The following MAMLD1 variants were observed in gnomAD, a reference collection of about 807,000 sequenced individuals.
The protein encoded by MAMLD1 is mastermind like domain containing 1.
MAMLD1 carries 14 observed loss-of-function variants against 45.0 expected under a neutral mutation model. The ratio of observed to expected loss-of-function variants is 0.31; its 90% confidence interval spans 0.21 to 0.49. The LOEUF is 0.49. Among genes scored for constraint, MAMLD1 ranks in the 20% least tolerant of loss-of-function variants. The pLI is 0.99. For missense variants in MAMLD1, 543 were observed against 603.6 expected, an observed-to-expected ratio of 0.90 and a Z score of 1.05; for synonymous variants, 254 against 247.8, an observed-to-expected ratio of 1.02 and a Z score of -0.24.
At chrX:150,433,998 A>G (rs2035038289) in intron 1 of MAMLD1, among the ~76,000 whole-genome samples, 1 of 111,293 alleles carries the variant, frequency 9.0e-6, no homozygotes, top group Non-Finnish European at 1.9e-5. Flanking sequence ...GGAATTACAC[A>G]TCTGGTGGAA....
chrX:150,443,429 T>C (rs1429954450), intron 1 of MAMLD1, among the ~76,000 whole-genome samples: 1 of 106,650 alleles, frequency 9.4e-6, no homozygotes, highest in African/African-American at 3.4e-5. Context: ...TTATTATACT[T>C]TAAGTTTTAG....
chrX:150,444,586 A>G (rs1162177405), intron 1 of MAMLD1, among the ~76,000 whole-genome samples: 3 of 111,643 alleles, frequency 2.7e-5, no homozygotes, highest in African/African-American at 9.8e-5. Flanking sequence ...AGTGATACTC[A>G]GTGAGAGAAT....
chrX:150,380,401 A>C (rs1049090835), intron 1 of MAMLD1, among the ~76,000 whole-genome samples: 3 of 110,297 alleles, frequency 2.7e-5, no homozygotes, highest in African/African-American at 6.6e-5. Flanking sequence ...CAATTTTAAG[A>C]GTATTTTTCT....
intron 1 of MAMLD1, among the ~76,000 whole-genome samples, chrX:150,404,035 GAGGA>G (rs1402942313): frequency 9.3e-5 from 6 of 64,674 alleles, no homozygotes; most frequent in African/African-American, 3.7e-4. Flanking sequence ...GGGAGGAAGG[GAGGA>G]AGGAAGGAAG....
At chrX:150,381,633 G>A (rs1282287641) in intron 1 of MAMLD1, among the ~76,000 whole-genome samples, 1 of 112,230 alleles carries the variant, frequency 8.9e-6, no homozygotes, top group Non-Finnish European at 1.9e-5. Context: ...CAATCATATA[G>A]CATGTGATCT....
intron 1 of MAMLD1, among the ~76,000 whole-genome samples, chrX:150,400,121 C>T (rs1557402375): frequency 8.9e-6 from 1 of 111,971 alleles, no homozygotes; most frequent in African/African-American, 3.2e-5. Context: ...CTCTTGGTCA[C>T]AGACTGGAAG....
At chrX:150,406,049 T>C (rs2033986546) in intron 1 of MAMLD1, among the ~76,000 whole-genome samples, 1 of 111,492 alleles carries the variant, frequency 9.0e-6, no homozygotes, top group Non-Finnish European at 1.9e-5. Context: ...CTTGAACGTT[T>C]ATTCAGCCTA....
chrX:150,365,035 C>T (rs1044074499), intron 1 of MAMLD1, among the ~76,000 whole-genome samples: 1 of 112,231 alleles, frequency 8.9e-6, no homozygotes, highest in Non-Finnish European at 1.9e-5. Flanking sequence ...CAGCTCTGGG[C>T]CCCTGGAGGC....
intron 1 of MAMLD1, among the ~76,000 whole-genome samples, chrX:150,391,359 T>C (rs906944780): frequency 9.0e-5 from 10 of 111,202 alleles, no homozygotes; most frequent in East Asian, 5.6e-4. Flanking sequence ...TCTTCTTCTT[T>C]TTTTTGTTTT....
chrX:150,430,332 G>T (rs1301031452), intron 1 of MAMLD1, among the ~76,000 whole-genome samples: 2 of 110,704 alleles, frequency 1.8e-5, no homozygotes, highest in East Asian at 5.6e-4. Flanking sequence ...GTTAAGTTTT[G>T]ATATTCTTTA....
chrX:150,473,775 G>T lies in MAMLD1; in HGVS notation c.2013G>T (p.Gln671His), dbSNP rs1378684467. ...GNSFTSRQDP[Q>H]PGDVSPSNIT... ...CTTTCACTAGCAGGCAAGATCCTCA[G>T]CCTGGAGACGTGTCACCGTCTAACA... is the stretch of plus-strand genomic sequence containing the variant. The change falls in exon 5 of 8, where the codon CAG (glutamine) becomes CAT (histidine). Residue 671 changes from glutamine (Q) to histidine (H), a missense_variant. Gln to His is a conservative substitution (Grantham distance 24). Transcript: ENST00000370401. The T allele has an allele frequency of 1.7e-6, 2 of 1,208,968 alleles. No homozygotes were observed. Among genetic ancestry groups the T allele is most frequent in the Admixed American group, 2.2e-5 (1 of 45,892 alleles).
intron 1 of MAMLD1, among the ~76,000 whole-genome samples, chrX:150,414,407 G>A (rs2034201248): frequency 9.0e-6 from 1 of 111,599 alleles, no homozygotes; most frequent in Admixed American, 9.5e-5. Context: ...CCAGTTATGT[G>A]ATTGCGTAAC....
intron 6 of MAMLD1, 59 bp downstream of exon 6, chrX:150,503,576 G>A: frequency 1.4e-6 from 1 of 708,289 alleles, no homozygotes. Flanking sequence ...ACAGTCCCCT[G>A]CTCAGCCTGC....
intron 1 of MAMLD1, among the ~76,000 whole-genome samples, chrX:150,430,717 G>A (rs1179331570): frequency 8.9e-6 from 1 of 112,027 alleles, no homozygotes; most frequent in African/African-American, 3.2e-5. Context: ...TGTTGAAAAG[G>A]CTATTATTCC....
At chrX:150,447,158 G>A (rs997729688) in intron 2 of MAMLD1, among the ~76,000 whole-genome samples, 2 of 112,605 alleles carry the variant, frequency 1.8e-5, no homozygotes, top group Admixed American at 1.9e-4. Flanking sequence ...GTCATTTCCA[G>A]GCTTGGCTTC....
At chrX:150,458,187 G>A (rs1169742195) in intron 2 of MAMLD1, among the ~76,000 whole-genome samples, 3 of 111,632 alleles carry the variant, frequency 2.7e-5, no homozygotes, top group Admixed American at 9.5e-5. Context: ...AGCTACATAG[G>A]CATGTTCTGG....
At position 150,503,560 on chromosome X, in the gene MAMLD1, C is replaced by T. The variant is rs782630521; in HGVS notation, c.2284+43C>T. 5.2e-5 allele frequency: 42 copies of T among 809,327 alleles called. No homozygotes were observed. The South Asian group carries it at 5.5e-4, about 11-fold the overall frequency. The allele number at this position is 809,327 out of a possible 1,213,427, so 66.7% of individuals were successfully genotyped here. On this transcript the variant is annotated intron_variant, in intron 6 of 7. Transcript: ENST00000370401. ...GAGCCTCGCTTTCCTCATCTGTCAA[C>T]GGGGCACAGTCCCCTGCTCAGCCTG...
intron 5 of MAMLD1, among the ~76,000 whole-genome samples, chrX:150,480,282 A>G (rs2036713321): frequency 8.9e-6 from 1 of 112,379 alleles, no homozygotes; most frequent in African/African-American, 3.2e-5. Context: ...AATGCTGGTT[A>G]CATTTAAAGC....
In MAMLD1 at chrX:150,438,380, G is replaced by T. The variant is rs191032900; in HGVS notation, c.-63-7074G>T. On this transcript the variant is annotated intron_variant, in intron 1 of 7. Transcript: ENST00000370401. ...GGTGTTGTCACTATATTTTTACAAA[G>T]ATGAAATTCACATAACAATCTGTGA... Among the ~76,000 whole-genome samples the T allele has an allele frequency of 8.0e-5, 9 of 112,428 alleles. No homozygotes were observed. In the East Asian group the frequency reaches 2.5e-3, roughly 31 times the overall value.
Sources: gnomAD v4.1 joint callset for allele counts (sites outside exome capture counted in the v4.1 genomes callset) on GRCh38, gnomAD v4.1.1 for gene constraint, MANE v1.5 for transcripts, NCBI Gene and HGNC (gene_info 2026-07-23, HGNC 2026-07-21) for gene names.